Variants in PTPRT observed in about 807,000 individuals in gnomAD.
The protein encoded by PTPRT is receptor-type tyrosine-protein phosphatase T.
PTPRT carries 56 observed loss-of-function variants against 176.8 expected under a neutral mutation model. The observed-to-expected ratio is 0.32, with a 90% confidence interval of 0.26 to 0.40. The LOEUF is 0.40. PTPRT is among the 10% of genes least tolerant of loss of function. The pLI is 1.00. For synonymous variants in PTPRT, 783 were observed against 739.0 expected, an observed-to-expected ratio of 1.06 and a Z score of -0.96; for missense variants, 1,540 against 1,908.2, an observed-to-expected ratio of 0.81 and a Z score of 3.60.
intron 6 of PTPRT, among the ~76,000 whole-genome samples, chr20:42,707,169 T>A (rs2076072909): frequency 6.6e-6 from 1 of 152,188 alleles, no homozygotes; most frequent in Admixed American, 6.5e-5. Flanking sequence ...GTGTGTTGTT[T>A]TTTTGTTTGT....
intron 9 of PTPRT, among the ~76,000 whole-genome samples, chr20:42,387,084 T>C (rs563122539): frequency 5.3e-5 from 8 of 152,314 alleles, no homozygotes. Context: ...CTGTTCGAAA[T>C]TGAAATAAGG....
At chr20:42,072,548 T>C (rs1982400353), downstream of PTPRT, among the ~76,000 whole-genome samples, 1 of 152,244 alleles carries the variant, frequency 6.6e-6, no homozygotes, top group South Asian at 2.1e-4. Flanking sequence ...TCAACCCTTT[T>C]ACTAGCTCAA....
intron 7 of PTPRT, among the ~76,000 whole-genome samples, chr20:42,591,632 A>G (rs1302740654): frequency 6.6e-6 from 1 of 152,160 alleles, no homozygotes; most frequent in Non-Finnish European, 1.5e-5. Context: ...ACCACTTTCA[A>G]GGTAATACAT....
At chr20:42,758,631 T>C (rs2076871624) in intron 5 of PTPRT, among the ~76,000 whole-genome samples, 1 of 152,098 alleles carries the variant, frequency 6.6e-6, no homozygotes, top group Non-Finnish European at 1.5e-5. Context: ...AATGGTATTG[T>C]TCAAAAGCCA....
intron 1 of PTPRT, among the ~76,000 whole-genome samples, chr20:43,075,173 A>G (rs1201208293): frequency 1.3e-5 from 2 of 152,252 alleles, no homozygotes; most frequent in Non-Finnish European, 2.9e-5. Context: ...TAATTAAAAG[A>G]AAGTTTTAAG....
At chr20:42,348,951 A>G (rs6102792) in intron 11 of PTPRT, among the ~76,000 whole-genome samples, 3,716 of 152,284 alleles carry the variant, frequency 0.024, 141 homozygotes, top group African/African-American at 0.085. Flanking sequence ...CAAAACCAAG[A>G]GTATAGAGAT....
At chr20:42,228,030 A>C (rs1467974634) in intron 15 of PTPRT, among the ~76,000 whole-genome samples, 3 of 152,204 alleles carry the variant, frequency 2.0e-5, no homozygotes, top group Non-Finnish European at 4.4e-5. Flanking sequence ...TACTCTCATT[A>C]ACCTTGTTTA....
chr20:42,203,340 A>T (rs184015108), intron 15 of PTPRT, among the ~76,000 whole-genome samples: 11 of 152,352 alleles, frequency 7.2e-5, no homozygotes, highest in Non-Finnish European at 1.3e-4. Context: ...TCTCTCAACG[A>T]AAGAGAAACC....
chr20:42,037,045 C>T, the PTPRT span, among the ~76,000 whole-genome samples: 2 of 152,274 alleles, frequency 1.3e-5, no homozygotes, highest in Admixed American at 1.3e-4. Context: ...CTCATCATGG[C>T]CAGAAGAAAC....
rs747441775 is a variant in PTPRT at position 42,791,369 on chromosome 20, G to A, written c.312C>T (p.Asp104=). The stretch of plus-strand genomic sequence containing the variant: ...CACGGCTGGAGAAGTAGTAATGGAA[G>A]TCGATGCAGTGGGTGTCATTCTCCT... ...TLKENDTHCI[D]FHYYFSSRDR... The change falls in exon 3 of 31, where the codon GAC becomes GAT. Residue 104 remains aspartate, a synonymous_variant. Coordinates refer to ENST00000373187, the MANE Select transcript of PTPRT (RefSeq NM_007050.6). The A allele has an allele frequency of 6.2e-7, 1 of 1,614,264 alleles. No homozygotes were observed. Among genetic ancestry groups the A allele is most frequent in the South Asian group, 1.1e-5 (1 of 91,084 alleles).
At chr20:42,956,585 CT>C (rs949349638) in intron 1 of PTPRT, among the ~76,000 whole-genome samples, 43 of 147,712 alleles carry the variant, frequency 2.9e-4, no homozygotes, top group Middle Eastern at 3.5e-3. Flanking sequence ...AAATCTCTCT[CT>C]TTTTTTTTTT....
chr20:42,188,849 T>C (rs981890414), intron 16 of PTPRT, among the ~76,000 whole-genome samples: 5 of 152,216 alleles, frequency 3.3e-5, no homozygotes, highest in Non-Finnish European at 7.3e-5. Flanking sequence ...GTAACTTTAC[T>C]GAGGTCTCTT....
At chr20:42,371,210 G>C (rs2058582416) in intron 9 of PTPRT, among the ~76,000 whole-genome samples, 1 of 152,292 alleles carries the variant, frequency 6.6e-6, no homozygotes, top group South Asian at 2.1e-4. Flanking sequence ...CCTGACCATG[G>C]GGCCAGGATC....
At chr20:42,956,979 T>G (rs1031621890) in intron 1 of PTPRT, among the ~76,000 whole-genome samples, 1 of 152,100 alleles carries the variant, frequency 6.6e-6, no homozygotes, top group African/African-American at 2.4e-5. Flanking sequence ...AAACCACCCA[T>G]TGGAAATGCA....
In PTPRT at chr20:42,617,475, C is replaced by T. The variant is rs1485521300; in HGVS notation, c.1153+60391G>A. ...TCATAAAATGAGTTAGGGAGGATTCCCTCTTTTTCTGTTGATTGGAATAGC... is the reference window on the plus strand; with the variant it reads ...TCATAAAATGAGTTAGGGAGGATTCTCTCTTTTTCTGTTGATTGGAATAGC... On this transcript the variant is annotated intron_variant, in intron 7 of 30. Transcript: ENST00000373187. Among the ~76,000 whole-genome samples the T allele has an allele frequency of 2.3e-5, 3 of 132,112 alleles. No homozygotes were observed. In the East Asian group the frequency reaches 5.9e-4, roughly 26 times the overall value. The allele number at this position is 132,112 out of a possible 152,430, so 86.7% of individuals were successfully genotyped here.
rs185030403 is a variant in PTPRT at position 42,635,458 on chromosome 20, G to A, written c.1153+42408C>T. ...GAACAAGAACCTGAAAAATATAATA[G>A]GCAACAATGTGCTGCATTTCCACAT... On this transcript the variant is annotated intron_variant, in intron 7 of 30. Transcript: ENST00000373187. 1.2e-4 allele frequency among the ~76,000 whole-genome samples: 18 copies of A among 152,158 alleles called. 1 individual carries two copies. The highest frequency in any genetic ancestry group is 4.1e-4 in the African/African-American group (17 of 41,504).
At chr20:42,212,647 C>T (rs981055700) in intron 15 of PTPRT, among the ~76,000 whole-genome samples, 1 of 152,124 alleles carries the variant, frequency 6.6e-6, no homozygotes, top group Non-Finnish European at 1.5e-5. Flanking sequence ...TTCCTCCTGC[C>T]TGTAAAACAC....
At chr20:42,363,270 T>TTTTATATA (rs1312740759) in intron 9 of PTPRT, among the ~76,000 whole-genome samples, 337 of 30,368 alleles carry the variant, frequency 0.011, 13 homozygotes, top group Middle Eastern at 0.025. Flanking sequence ...TTTATTACAA[T>TTTTATATA]TATATATATA....
intron 11 of PTPRT, among the ~76,000 whole-genome samples, 161 bp downstream of exon 11, chr20:42,350,467 T>A (rs538563771): frequency 6.6e-6 from 1 of 152,268 alleles, no homozygotes; most frequent in East Asian, 1.9e-4. Flanking sequence ...ACTCAGGGGC[T>A]CCCTTTGAAC....
Sources: gnomAD v4.1 joint callset for allele counts (sites outside exome capture counted in the v4.1 genomes callset) on GRCh38, gnomAD v4.1.1 for gene constraint, MANE v1.5 for transcripts, NCBI Gene and HGNC (gene_info 2026-07-23, HGNC 2026-07-21) for gene names.